The following PLCG2 variants were observed in gnomAD, a reference collection of about 807,000 sequenced individuals.
PLCG2 encodes the protein phospholipase C gamma 2.
PLCG2 carries 69 observed loss-of-function variants against 175.6 expected under a neutral mutation model. The ratio of observed to expected loss-of-function variants is 0.39; its 90% confidence interval spans 0.32 to 0.48. The LOEUF is 0.48. Ranked by LOEUF, PLCG2 falls within the 20% of genes least tolerant of loss-of-function variation. PLCG2 has a pLI of 0.91. For synonymous variants in PLCG2, 827 were observed against 624.0 expected (o/e 1.33, Z -4.85); for missense variants, 1,798 against 1,650.9 (o/e 1.09, Z -1.54).
chr16:81,895,664 A>G lies in PLCG2; in HGVS notation c.1073-143A>G, dbSNP rs1597114924. On this transcript the variant is annotated intron_variant, in intron 12 of 32. Transcript: ENST00000564138. ...CAGGGAACCCTGCGGATACAGGGAA[A>G]GCCATGTCCTCGTGTTGGCAGCCGA... 3.3e-5 allele frequency: 27 copies of G among 814,608 alleles called. No homozygotes were observed. In the East Asian group the frequency reaches 6.5e-4, roughly 19 times the overall value. The allele number at this position is 814,608 out of a possible 1,614,324, so 50.5% of individuals were successfully genotyped here.
chr16:81,936,256 A>ACAAT lies in PLCG2; in HGVS notation c.2934_2937dup (p.Lys980SerfsTer15). 6.2e-7 allele frequency: 1 copy of ACAAT among 1,614,192 alleles called. No homozygotes were observed. The highest frequency in any genetic ancestry group is 8.5e-7 in the Non-Finnish European group (1 of 1,180,030). On this transcript the variant is annotated frameshift_variant, in exon 27 of 33. Transcript: ENST00000564138. LOFTEE classifies it high-confidence loss of function. The stretch of plus-strand genomic sequence containing the variant: ...CAGAAGCCCGTCGACCTCCTGAAGT[A>ACAAT]CAATCAAAAGGGCCTGACCCGCGTC...
intron 7 of PLCG2, among the ~76,000 whole-genome samples, chr16:81,876,560 C>T (rs112408302): frequency 0.015 from 2,286 of 152,238 alleles, 81 homozygotes; most frequent in African/African-American, 0.052. Context: ...TCCTGGGGCC[C>T]GACTCAGAGA....
chr16:81,880,887 T>A (rs752265669), intron 7 of PLCG2, 23 bp from the exon 8 acceptor site: 1 of 1,613,374 alleles, frequency 6.2e-7, no homozygotes. Context: ...GGTTCTTTTT[T>A]TTGTGTGTGC....
chr16:81,788,376 A>G (rs976746947), intron 2 of PLCG2, among the ~76,000 whole-genome samples: 4 of 152,014 alleles, frequency 2.6e-5, no homozygotes, highest in Non-Finnish European at 4.4e-5. Flanking sequence ...CGCCTCCCGG[A>G]TTCATGCCAT....
At chr16:81,814,367 C>T (rs560118435) in intron 2 of PLCG2, among the ~76,000 whole-genome samples, 7 of 152,086 alleles carry the variant, frequency 4.6e-5, no homozygotes, top group African/African-American at 1.7e-4. Context: ...GGAGGATCTG[C>T]GAGGTGGGGT....
intron 2 of PLCG2, among the ~76,000 whole-genome samples, chr16:81,757,521 G>A (rs901821637): frequency 1.3e-5 from 2 of 151,840 alleles, no homozygotes; most frequent in Non-Finnish European, 2.9e-5. Flanking sequence ...CCGAGAAAGC[G>A]CCACTGTACT....
chr16:81,816,332 C>G (rs1029758572), intron 2 of PLCG2, among the ~76,000 whole-genome samples: 1 of 152,160 alleles, frequency 6.6e-6, no homozygotes, highest in Non-Finnish European at 1.5e-5. Flanking sequence ...AATCGTGCCA[C>G]TACACTCCAG....
intron 2 of PLCG2, among the ~76,000 whole-genome samples, chr16:81,841,597 T>C (rs1905835453): frequency 1.3e-5 from 2 of 152,190 alleles, no homozygotes; most frequent in Admixed American, 1.3e-4. Context: ...GGGTGTATGT[T>C]CTTTTTCCAT....
At position 81,960,369 on chromosome 16, in the gene PLCG2, A is replaced by G. The variant is rs4243226; in HGVS notation, c.*2371A>G. 174,590 of 219,064 alleles carry G rather than the reference A, an allele frequency of 0.8. 70,441 individuals carry two copies. Among genetic ancestry groups the G allele is most frequent in the African/African-American group, 0.94 (41,928 of 44,634 alleles). 13.6% of individuals were successfully genotyped at this position (219,064 alleles called of 1,614,324 possible). ...GGCCAAGAAGACTAGTAACAGGCAC[A>G]TTCTGAAAGATGGAAGCAGCACTGA... On this transcript the variant is annotated 3_prime_UTR_variant, in exon 33 of 33. Transcript: ENST00000564138.
At chr16:81,835,317 C>T (rs574534202) in intron 2 of PLCG2, among the ~76,000 whole-genome samples, 25 of 152,224 alleles carry the variant, frequency 1.6e-4, no homozygotes, top group Non-Finnish European at 2.9e-4. Flanking sequence ...TGAAGATGGC[C>T]GGGTGTGGTG....
At chr16:81,795,871 C>T (rs1911447371) in intron 2 of PLCG2, among the ~76,000 whole-genome samples, 1 of 152,220 alleles carries the variant, frequency 6.6e-6, no homozygotes, top group Non-Finnish European at 1.5e-5. Flanking sequence ...GGCCCCCTCC[C>T]ACCTTCTATT....
rs4072828 is a variant in PLCG2, at chr16:81,854,632, G to C, written c.337+45G>C. On this transcript the variant is annotated intron_variant, in intron 3 of 32. Transcript: ENST00000564138. ...CCTTTCTCCTTCCCTGTGCCTTAGT[G>C]TCTTCCTGAAGAAGTTCGCTAATAG... The C allele has an allele frequency of 0.3, 469,900 of 1,580,686 alleles. 72,707 individuals carry two copies. Among genetic ancestry groups the C allele is most frequent in the Non-Finnish European group, 0.32 (365,707 of 1,151,858 alleles).
chr16:81,919,380 T>G (rs1235403164), intron 19 of PLCG2, 104 bp from the exon 20 acceptor site: 12 of 844,966 alleles, frequency 1.4e-5, no homozygotes, highest in African/African-American at 6.7e-5. Context: ...TACCCACTTC[T>G]CTAAGGCTGG....
At chr16:81,789,654 C>G (rs1911138702) in intron 2 of PLCG2, among the ~76,000 whole-genome samples, 2 of 152,228 alleles carry the variant, frequency 1.3e-5, no homozygotes, top group South Asian at 4.1e-4. Flanking sequence ...CTGGAGAGAC[C>G]AAGAATGATG....
At chr16:81,926,879 C>G (rs1332565748) in intron 22 of PLCG2, among the ~76,000 whole-genome samples, 1 of 152,208 alleles carries the variant, frequency 6.6e-6, no homozygotes, top group East Asian at 1.9e-4. Context: ...AAATCAGCCC[C>G]CAGTAACTCA....
chr16:81,927,771 G>A lies in PLCG2; in HGVS notation c.2514+593G>A, dbSNP rs150967878. Among the ~76,000 whole-genome samples, 1,150 of 152,282 alleles carry A rather than the reference G, an allele frequency of 7.6e-3. 9 individuals are homozygous for A. Among genetic ancestry groups the A allele is most frequent in the South Asian group, 0.013 (64 of 4,826 alleles). ...CTGGGAAGGCTTCCTGGAGGAAGGA[G>A]TATTTGACCCTTAAAAGTCAAGTTA... On this transcript the variant is annotated intron_variant, in intron 23 of 32. Transcript: ENST00000564138.
chr16:81,741,838 C>A (rs759432095), intron 1 of PLCG2, among the ~76,000 whole-genome samples: 1 of 152,114 alleles, frequency 6.6e-6, no homozygotes, highest in African/African-American at 2.4e-5. Flanking sequence ...AAATCAGAGT[C>A]ATTATCATAT....
intron 2 of PLCG2, among the ~76,000 whole-genome samples, chr16:81,848,555 C>G (rs1410516248): frequency 6.6e-6 from 1 of 152,172 alleles, no homozygotes; most frequent in African/African-American, 2.4e-5. Context: ...TGTACCTGGT[C>G]TCTCTGTCCC....
intron 2 of PLCG2, among the ~76,000 whole-genome samples, chr16:81,832,441 G>T (rs1447125400): frequency 3.9e-5 from 6 of 152,220 alleles, no homozygotes; most frequent in African/African-American, 1.4e-4. Context: ...CCAGGTGGGA[G>T]CGCAGTGGCA....
Sources: allele counts gnomAD v4.1 joint callset (sites outside exome capture counted in the v4.1 genomes callset), GRCh38; gene constraint gnomAD v4.1.1; transcripts MANE v1.5; gene names NCBI Gene and HGNC (gene_info 2026-07-23, HGNC 2026-07-21).